SLC9C1: variants seen among roughly 807,000 people sequenced by gnomAD.
SLC9C1 encodes sodium/hydrogen exchanger 10.
SLC9C1 carries 97 observed loss-of-function variants against 140.9 expected under a neutral mutation model. The ratio of observed to expected loss-of-function variants is 0.69; its 90% CI spans 0.58 to 0.82. The LOEUF is 0.82. Among genes scored for constraint, SLC9C1 ranks in the 40% least tolerant of loss-of-function variants. The pLI is 0.00. For synonymous variants in SLC9C1, 440 were observed against 442.6 expected (o/e 0.99, Z 0.07); for missense variants, 1,340 against 1,389.3 (o/e 0.96, Z 0.56).
chr3:112,155,382 G>T (rs897142491), intron 26 of SLC9C1, among the ~76,000 whole-genome samples: 1 of 152,096 alleles, frequency 6.6e-6, no homozygotes, highest in Non-Finnish European at 1.5e-5. Flanking sequence ...GAAAGCAAAA[G>T]AATTAAGATC....
chr3:112,263,566 T>C (rs1042385088), intron 9 of SLC9C1, among the ~76,000 whole-genome samples: 1 of 151,962 alleles, frequency 6.6e-6, no homozygotes, highest in Non-Finnish European at 1.5e-5. Context: ...ACACTAATTT[T>C]ATCTGATAAT....
chr3:112,266,602 G>T (rs1200642151), intron 7 of SLC9C1, among the ~76,000 whole-genome samples: 2 of 152,144 alleles, frequency 1.3e-5, no homozygotes, highest in African/African-American at 2.4e-5. Flanking sequence ...TGAGGCTAGA[G>T]CACACTTTAG....
rs558166689 is a variant in SLC9C1 at position 112,289,130 on chromosome 3, T to C, written c.-87-2252A>G. Reference sequence around the variant, plus strand: ...AGTCTCAAAGCCAGCTTCTTTTCAATATTCTTGGTGAGGTTTTGTGAGAAA... The same window carrying C: ...AGTCTCAAAGCCAGCTTCTTTTCAACATTCTTGGTGAGGTTTTGTGAGAAA... On this transcript the variant is annotated intron_variant, in intron 1 of 28. Coordinates refer to ENST00000305815, the MANE Select transcript of SLC9C1 (RefSeq NM_183061.3). 3.9e-4 allele frequency among the ~76,000 whole-genome samples: 60 copies of C among 152,286 alleles called. 1 individual carries two copies. The highest frequency in any genetic ancestry group is 3.4e-3 in the Middle Eastern group (1 of 294).
chr3:112,269,151 T>C (rs933246280), intron 7 of SLC9C1, among the ~76,000 whole-genome samples: 5 of 152,182 alleles, frequency 3.3e-5, no homozygotes, highest in African/African-American at 1.2e-4. Flanking sequence ...GGCTTCTCTC[T>C]TTGTTGCCCG....
chr3:112,247,869 TTGAGTGTGTG>T (rs2079334402), intron 10 of SLC9C1, among the ~76,000 whole-genome samples: 1 of 106,066 alleles, frequency 9.4e-6, no homozygotes, highest in South Asian at 2.8e-4. Context: ...CAGTTTACTC[TTGAGTGTGTG>T]TGTGTGTGTG....
intron 25 of SLC9C1, among the ~76,000 whole-genome samples, chr3:112,168,056 A>G (rs1576255273): frequency 6.6e-6 from 1 of 152,112 alleles, no homozygotes; most frequent in Admixed American, 6.6e-5. Flanking sequence ...CTTATGTCCA[A>G]AATCTACCCT....
chr3:112,151,681 T>C (rs1362267495), intron 28 of SLC9C1, among the ~76,000 whole-genome samples, 176 bp downstream of exon 28: 1 of 152,238 alleles, frequency 6.6e-6, no homozygotes, highest in East Asian at 1.9e-4. Flanking sequence ...GAGTATTATT[T>C]TGAAGTTAAT....
intron 11 of SLC9C1, 62 bp downstream of exon 11, chr3:112,243,933 C>T: frequency 3.6e-6 from 4 of 1,123,622 alleles, no homozygotes; most frequent in Non-Finnish European, 3.8e-6. Flanking sequence ...TTATTATTAG[C>T]ACTTCTTTAC....
At position 112,246,407 on chromosome 3, in the gene SLC9C1, A is replaced by C. The variant is rs114022672; in HGVS notation, c.1198-2331T>G. On this transcript the variant is annotated intron_variant, in intron 10 of 28. Coordinates refer to ENST00000305815, the MANE Select transcript of SLC9C1 (RefSeq NM_183061.3). ...AAAACAAAACCCAGACTTCTTGATA[A>C]AATGTACTTAAACGATTTTCCAAGT... is the stretch of plus-strand genomic sequence containing the variant. Among the ~76,000 whole-genome samples, 599 of 152,276 alleles carry C rather than the reference A, an allele frequency of 3.9e-3. 6 individuals carry two copies. The highest frequency in any genetic ancestry group is 0.013 in the African/African-American group (555 of 41,558).
intron 1 of SLC9C1, among the ~76,000 whole-genome samples, chr3:112,290,934 G>C (rs375387059): frequency 6.7e-6 from 1 of 150,056 alleles, no homozygotes; most frequent in Admixed American, 6.7e-5. Context: ...CATTTCTTTC[G>C]ATCTTGCATG....
chr3:112,252,718 G>A (rs2079496466), intron 10 of SLC9C1, among the ~76,000 whole-genome samples: 1 of 152,078 alleles, frequency 6.6e-6, no homozygotes, highest in Non-Finnish European at 1.5e-5. Context: ...AGCCATTGTT[G>A]CCTTCAGGCT....
chr3:112,278,098 T>C (rs2108339109), intron 4 of SLC9C1, among the ~76,000 whole-genome samples: 1 of 152,280 alleles, frequency 6.6e-6, no homozygotes, highest in East Asian at 1.9e-4. Context: ...TTGTCTGAAC[T>C]CCATGTGTCT....
chr3:112,266,415 G>T, intron 7 of SLC9C1, 75 bp from the exon 8 acceptor site: 1 of 1,150,212 alleles, frequency 8.7e-7, no homozygotes, highest in Non-Finnish European at 1.2e-6. Context: ...CGAGTTAAAA[G>T]TATCAGATGT....
intron 20 of SLC9C1, among the ~76,000 whole-genome samples, chr3:112,188,530 C>A (rs1417786948): frequency 1.3e-5 from 2 of 152,144 alleles, no homozygotes; most frequent in African/African-American, 4.8e-5. Context: ...ATGATGGTTT[C>A]CAGCTTCATC....
chr3:112,286,554 T>C, intron 2 of SLC9C1, 150 bp downstream of exon 2: 3 of 584,570 alleles, frequency 5.1e-6, no homozygotes, highest in Non-Finnish European at 2.8e-6. Flanking sequence ...AAATTATTAT[T>C]GGATTCATTT....
intron 6 of SLC9C1, among the ~76,000 whole-genome samples, chr3:112,272,681 A>G (rs2080108630): frequency 6.6e-6 from 1 of 152,218 alleles, no homozygotes; most frequent in Non-Finnish European, 1.5e-5. Flanking sequence ...TGAAGTCATT[A>G]CTATTATTAT....
At chr3:112,198,996 G>A (rs1464757956) in intron 20 of SLC9C1, among the ~76,000 whole-genome samples, 3 of 150,890 alleles carry the variant, frequency 2.0e-5, no homozygotes, top group Admixed American at 6.7e-5. Flanking sequence ...CACGAAAAAT[G>A]TTATTTAAGT....
intron 2 of SLC9C1, among the ~76,000 whole-genome samples, chr3:112,283,367 T>C: frequency 6.6e-6 from 1 of 151,868 alleles, no homozygotes; most frequent in East Asian, 1.9e-4. Flanking sequence ...CCTGTGGTCC[T>C]AGCTGCTTGG....
At chr3:112,264,168 T>C in intron 9 of SLC9C1, 32 bp downstream of exon 9, 9 of 955,120 alleles carry the variant, frequency 9.4e-6, no homozygotes, top group Non-Finnish European at 1.1e-5. Context: ...CTCAATTATC[T>C]ATAAATAGAA....
Sources: allele counts gnomAD v4.1 joint callset (sites outside exome capture counted in the v4.1 genomes callset), GRCh38; gene constraint gnomAD v4.1.1; transcripts MANE v1.5; gene names NCBI Gene and HGNC (gene_info 2026-07-23, HGNC 2026-07-21).